Variants in GPR137C observed in about 807,000 individuals in gnomAD.
The protein encoded by GPR137C is integral membrane protein GPR137C.
A neutral mutation model predicts 43.4 loss-of-function variants in GPR137C; 27 were observed. That is an observed-to-expected ratio of 0.62 (90% CI 0.46 to 0.86). The LOEUF (loss-of-function observed/expected upper bound fraction) is 0.86, where lower values mean the gene tolerates loss of function less well. Among genes scored for constraint, GPR137C ranks in the 40% least tolerant of loss-of-function variants. The pLI is 0.00. For synonymous variants in GPR137C, 285 were observed against 226.9 expected, an observed-to-expected ratio of 1.26 and a Z score of -2.30; for missense variants, 522 against 534.6, an observed-to-expected ratio of 0.98 and a Z score of 0.23.
At chr14:52,575,673 A>G (rs117950876) in intron 1 of GPR137C, among the ~76,000 whole-genome samples, 282 of 152,270 alleles carry the variant, frequency 1.9e-3, no homozygotes, top group Middle Eastern at 3.4e-3. Flanking sequence ...ATTAAGCTAT[A>G]CCATCTAAAG....
intron 1 of GPR137C, among the ~76,000 whole-genome samples, chr14:52,578,715 C>T (rs1238336846): frequency 1.3e-5 from 2 of 152,062 alleles, no homozygotes; most frequent in Admixed American, 1.3e-4. Context: ...GTGGGCGGAT[C>T]ACCTGAGCAC....
intron 3 of GPR137C, among the ~76,000 whole-genome samples, chr14:52,610,169 CTT>C (rs1348932323): frequency 6.6e-6 from 1 of 152,194 alleles, no homozygotes; most frequent in Non-Finnish European, 1.5e-5. Context: ...CTGTCACCCT[CTT>C]TTGTTATCTT....
intron 3 of GPR137C, among the ~76,000 whole-genome samples, chr14:52,616,237 G>A (rs2039097476): frequency 6.6e-6 from 1 of 152,050 alleles, no homozygotes; most frequent in African/African-American, 2.4e-5. Flanking sequence ...TCTTCCTTCA[G>A]CTCACCTTGG....
chr14:52,592,375 T>C (rs1205186862), intron 1 of GPR137C, among the ~76,000 whole-genome samples: 3 of 152,168 alleles, frequency 2.0e-5, no homozygotes, highest in Non-Finnish European at 4.4e-5. Flanking sequence ...AAGAAAGTCA[T>C]TGGTAGCTTG....
At chr14:52,587,226 C>A (rs1406450654) in intron 1 of GPR137C, among the ~76,000 whole-genome samples, 1 of 152,124 alleles carries the variant, frequency 6.6e-6, no homozygotes, top group African/African-American at 2.4e-5. Flanking sequence ...AAGTTATGGT[C>A]TTTCTTAAGA....
intron 3 of GPR137C, among the ~76,000 whole-genome samples, chr14:52,620,413 T>C (rs1166711078): frequency 6.6e-6 from 1 of 152,110 alleles, no homozygotes; most frequent in African/African-American, 2.4e-5. Flanking sequence ...GGACAGAGTT[T>C]GGGATTTCAG....
intron 4 of GPR137C, among the ~76,000 whole-genome samples, chr14:52,632,560 C>G (rs910710603): frequency 6.6e-6 from 1 of 151,932 alleles, no homozygotes; most frequent in Non-Finnish European, 1.5e-5. Context: ...TGCCACAAGC[C>G]TCTCGGTCAT....
chr14:52,582,639 C>G (rs1409241185), intron 1 of GPR137C, among the ~76,000 whole-genome samples: 1 of 152,094 alleles, frequency 6.6e-6, no homozygotes, highest in Non-Finnish European at 1.5e-5. Flanking sequence ...AATAAAAATA[C>G]AAAAATTAGC....
At chr14:52,612,271 C>T (rs1229247039) in intron 3 of GPR137C, 8 of 947,686 alleles carry the variant, frequency 8.4e-6, no homozygotes, top group Non-Finnish European at 1.0e-5. Context: ...ATTTTATACC[C>T]TGCTTTTCCC....
At chr14:52,561,999 A>G (rs569090181) in intron 1 of GPR137C, among the ~76,000 whole-genome samples, 17 of 152,216 alleles carry the variant, frequency 1.1e-4, no homozygotes, top group Non-Finnish European at 2.2e-4. Flanking sequence ...GATTTTAAAA[A>G]TTTCAGGGCT....
chr14:52,618,224 T>G (rs1202768164), intron 3 of GPR137C, among the ~76,000 whole-genome samples: 1 of 152,200 alleles, frequency 6.6e-6, no homozygotes, highest in African/African-American at 2.4e-5. Context: ...TAGATTACAT[T>G]TTATCTACTA....
chr14:52,612,658 C>T (rs976330772), intron 3 of GPR137C: 1 of 279,800 alleles, frequency 3.6e-6, no homozygotes, highest in African/African-American at 2.3e-5. Context: ...AACTCCTGGG[C>T]TTATGTAATT....
chr14:52,604,612 A>C (rs1333817586), intron 3 of GPR137C, among the ~76,000 whole-genome samples: 1 of 151,690 alleles, frequency 6.6e-6, no homozygotes, highest in Admixed American at 6.6e-5. Flanking sequence ...CGCCTGGCTA[A>C]TTTTTTTGTA....
intron 2 of GPR137C, among the ~76,000 whole-genome samples, chr14:52,599,308 T>C (rs1303740372): frequency 1.3e-5 from 2 of 152,202 alleles, no homozygotes; most frequent in African/African-American, 4.8e-5. Context: ...AATGGGTGCT[T>C]GAAGCTCTAC....
rs557945936 is a variant in GPR137C at position 52,635,290 on chromosome 14, A to G, written c.*175A>G. On this transcript the variant is annotated 3_prime_UTR_variant, in exon 7 of 7. Transcript: ENST00000321662. ...TTATTTTTGACCTCTTCATAGTAAA[A>G]TGAAGTAAAATGGAAAGTTTGGAGT... 7.6e-5 allele frequency: 36 copies of G among 476,664 alleles called. No homozygotes were observed. Among genetic ancestry groups the G allele is most frequent in the African/African-American group, 7.3e-4 (36 of 49,158 alleles). 29.5% of individuals were successfully genotyped at this position (476,664 alleles called of 1,614,324 possible). A position where few individuals can be genotyped will look rare whatever the true frequency, so the allele number is the denominator to read the frequency against.
At chr14:52,570,642 A>G (rs2038451419) in intron 1 of GPR137C, among the ~76,000 whole-genome samples, 1 of 152,212 alleles carries the variant, frequency 6.6e-6, no homozygotes, top group Admixed American at 6.5e-5. Flanking sequence ...AAATAAAGGG[A>G]TGGAGGAATA....
chr14:52,612,934 T>TA (rs1006897274), intron 3 of GPR137C: 18 of 151,986 alleles, frequency 1.2e-4, no homozygotes, highest in African/African-American at 4.3e-4. Flanking sequence ...ATAAGGTATA[T>TA]ATGTATGGGG....
chr14:52,566,060 G>A (rs1217360170), intron 1 of GPR137C, among the ~76,000 whole-genome samples: 1 of 152,128 alleles, frequency 6.6e-6, no homozygotes, highest in Admixed American at 6.5e-5. Flanking sequence ...ATCTAATACA[G>A]TATCTCAATT....
chr14:52,629,710 A>G (rs2039272576), intron 3 of GPR137C, among the ~76,000 whole-genome samples: 1 of 152,106 alleles, frequency 6.6e-6, no homozygotes, highest in Non-Finnish European at 1.5e-5. Flanking sequence ...GTGTGAGGGA[A>G]CTTTCTGGAA....
Sources: allele counts gnomAD v4.1 joint callset (sites outside exome capture counted in the v4.1 genomes callset), GRCh38; gene constraint gnomAD v4.1.1; transcripts MANE v1.5; gene names NCBI Gene and HGNC (gene_info 2026-07-23, HGNC 2026-07-21).